TPPP: variants seen among roughly 807,000 people sequenced by gnomAD.
TPPP encodes the protein tubulin polymerization promoting protein.
Under a neutral mutation model 15.5 loss-of-function variants are expected in TPPP, and 6 were observed. The observed-to-expected ratio is 0.39, with a 90% CI of 0.21 to 0.77. The LOEUF is 0.77. Among genes scored for constraint, TPPP ranks in the 30% least tolerant of loss-of-function variants. The pLI is 0.42. For missense variants in TPPP, 269 were observed against 307.2 expected, an observed-to-expected ratio of 0.88 and a Z score of 0.93; for synonymous variants, 146 against 133.9, an observed-to-expected ratio of 1.09 and a Z score of -0.63.
At chr5:666,243 G>T in intron 2 of TPPP, 120 bp from the exon 3 acceptor site, 1 of 1,190,902 alleles carries the variant, frequency 8.4e-7, no homozygotes, top group Non-Finnish European at 1.2e-6. Context: ...TTCACCCACA[G>T]GCGGCCGCCC....
At chr5:693,551 G>T (rs900360991), upstream of TPPP, among the ~76,000 whole-genome samples, 4 of 151,648 alleles carry the variant, frequency 2.6e-5, no homozygotes, top group East Asian at 7.8e-4. Context: ...TTACAAGGCC[G>T]ACTCTGCTCA....
At chr5:672,134 G>A (rs1286334695) in intron 2 of TPPP, among the ~76,000 whole-genome samples, 1 of 152,252 alleles carries the variant, frequency 6.6e-6, no homozygotes, top group Non-Finnish European at 1.5e-5. Context: ...ACTGGGAACA[G>A]TCCGAAGACT....
At chr5:671,341 A>G (rs1470240358) in intron 2 of TPPP, among the ~76,000 whole-genome samples, 1 of 151,682 alleles carries the variant, frequency 6.6e-6, no homozygotes, top group East Asian at 1.9e-4. Context: ...GCCCAGAGGG[A>G]CCCCGGGCAG....
chr5:680,231 TGAGAGCACGGTGG>T (rs1740585262), intron 1 of TPPP, among the ~76,000 whole-genome samples: 1 of 115,228 alleles, frequency 8.7e-6, no homozygotes, highest in South Asian at 3.2e-4. Context: ...ATGGCACGCA[TGAGAGCACGGTGG>T]GGGCCGTGGG....
At chr5:683,741 G>A (rs1328409607) in intron 1 of TPPP, among the ~76,000 whole-genome samples, 1 of 152,288 alleles carries the variant, frequency 6.6e-6, no homozygotes, top group South Asian at 2.1e-4. Flanking sequence ...GGTGGGGGCC[G>A]AGGCGCTCAG....
intron 1 of TPPP, among the ~76,000 whole-genome samples, chr5:678,276 A>C (rs2126903814): frequency 6.7e-6 from 1 of 148,340 alleles, no homozygotes; most frequent in East Asian, 1.9e-4. Flanking sequence ...GAGTGGAGCC[A>C]AGCGAGGCCT....
intron 2 of TPPP, among the ~76,000 whole-genome samples, chr5:671,743 C>T (rs1356989953): frequency 1.3e-5 from 2 of 152,246 alleles, no homozygotes; most frequent in African/African-American, 4.8e-5. Context: ...CACGTTCATC[C>T]TGCCCTGCCA....
At chr5:685,881 G>A (rs1020975297) in intron 1 of TPPP, among the ~76,000 whole-genome samples, 2 of 152,144 alleles carry the variant, frequency 1.3e-5, no homozygotes, top group African/African-American at 4.8e-5. Context: ...AGGATGACAG[G>A]GAGACGCAGG....
intron 2 of TPPP, 76 bp downstream of exon 2, chr5:677,674 C>T (rs1224720222): frequency 6.3e-6 from 9 of 1,422,574 alleles, no homozygotes; most frequent in Non-Finnish European, 8.5e-6. Context: ...CCGCTCCCCA[C>T]AGAACCCACC....
chr5:663,116 TGTGATCGGGCGATTCC>T lies in TPPP; in HGVS notation c.*1970_*1985del, dbSNP rs1739732853. 1.4e-5 allele frequency: 2 copies of T among 140,088 alleles called. No homozygotes were observed. The highest frequency in any genetic ancestry group is 1.4e-4 in the Admixed American group (2 of 14,702). 8.7% of individuals were successfully genotyped at this position (140,088 alleles called of 1,614,324 possible). ...TGGGCGATTCCGGTGGCCGCTCGTCTGTGATCGGGCGATTCCGGTGACCGCTCGTCTGTGATCGGGT... is the reference window on the plus strand; with the variant it reads ...TGGGCGATTCCGGTGGCCGCTCGTCTGGTGACCGCTCGTCTGTGATCGGGT... On this transcript the variant is annotated 3_prime_UTR_variant, in exon 4 of 4. Coordinates refer to ENST00000360578, the MANE Select transcript of TPPP (RefSeq NM_007030.3).
intron 2 of TPPP, chr5:676,011 AGCTTCTCTGGGACTGAG>A (rs770914915): frequency 3.0e-5 from 2 of 67,768 alleles, no homozygotes; most frequent in African/African-American, 4.8e-4. Context: ...CCTCCCCTCC[AGCTTCTCTGGGACTGAG>A]GCTGGGAGCT....
At chr5:675,214 G>A (rs1241747100) in intron 2 of TPPP, among the ~76,000 whole-genome samples, 15 of 121,928 alleles carry the variant, frequency 1.2e-4, no homozygotes, top group East Asian at 2.5e-4. Flanking sequence ...CAGTGTAGCC[G>A]GGGGTGCAGT....
At chr5:677,427 C>G (rs1740486784) in intron 2 of TPPP, among the ~76,000 whole-genome samples, 1 of 152,328 alleles carries the variant, frequency 6.6e-6, no homozygotes. Context: ...CAGCATTCAC[C>G]CCGAGTCTGC....
intron 1 of TPPP, among the ~76,000 whole-genome samples, chr5:679,705 G>A (rs1422533411): frequency 1.3e-5 from 2 of 152,050 alleles, no homozygotes; most frequent in African/African-American, 4.8e-5. Context: ...TCAGGGCTGC[G>A]TTCTGTGGTC....
intron 2 of TPPP, among the ~76,000 whole-genome samples, chr5:671,764 C>G (rs1163334601): frequency 2.6e-5 from 4 of 152,216 alleles, no homozygotes; most frequent in African/African-American, 9.6e-5. Context: ...GGCGTGGCCA[C>G]TAGAGGCTCC....
chr5:691,984 A>C (rs1579202333), intron 1 of TPPP, among the ~76,000 whole-genome samples: 1 of 59,888 alleles, frequency 1.7e-5, no homozygotes, highest in Admixed American at 2.5e-4. Flanking sequence ...CCCAGACCCC[A>C]TCAAAACAGC....
intron 1 of TPPP, among the ~76,000 whole-genome samples, chr5:684,766 G>A (rs969810871): frequency 2.0e-5 from 3 of 152,064 alleles, no homozygotes; most frequent in African/African-American, 4.8e-5. Context: ...CATTATCATC[G>A]CACGGCACTC....
chr5:668,645 C>T (rs1159783353), intron 2 of TPPP, among the ~76,000 whole-genome samples: 1 of 152,270 alleles, frequency 6.6e-6, no homozygotes, highest in Non-Finnish European at 1.5e-5. Flanking sequence ...TGGACAGCTT[C>T]TCATCACAGC....
At chr5:676,903 G>A (rs440795) in intron 2 of TPPP, among the ~76,000 whole-genome samples, 8 of 131,660 alleles carry the variant, frequency 6.1e-5, no homozygotes, top group East Asian at 2.0e-4. Context: ...AAACGCGCAC[G>A]CGCGCATACA....
Sources: gnomAD v4.1 joint callset for allele counts (sites outside exome capture counted in the v4.1 genomes callset) on GRCh38, gnomAD v4.1.1 for gene constraint, MANE v1.5 for transcripts, NCBI Gene and HGNC (gene_info 2026-07-23, HGNC 2026-07-21) for gene names.